FREM3: variants seen among roughly 807,000 people sequenced by gnomAD.
FREM3 encodes FRAS1-related extracellular matrix protein 3.
Under a neutral mutation model 129.1 loss-of-function variants are expected in FREM3, and 105 were observed. The observed-to-expected ratio is 0.81, with a 90% confidence interval of 0.69 to 0.96. The LOEUF is 0.96. Among genes scored for constraint, FREM3 ranks in the 40% least tolerant of loss-of-function variants. The probability of loss-of-function intolerance (pLI) is 0.00; values close to 1 mark genes in which losing one functional copy is unlikely to be tolerated. For missense variants in FREM3, 2,593 were observed against 2,666.3 expected, an observed-to-expected ratio of 0.97 and a Z score of 0.61; for synonymous variants, 1,014 against 1,044.9, an observed-to-expected ratio of 0.97 and a Z score of 0.57.
intron 1 of FREM3, among the ~76,000 whole-genome samples, 155 bp downstream of exon 1, chr4:143,695,336 T>G (rs1443676193): frequency 2.6e-5 from 4 of 152,192 alleles, no homozygotes; most frequent in Admixed American, 1.3e-4. Flanking sequence ...CTTGTTGCCT[T>G]TTTTGTTTTT....
At chr4:143,600,221 GT>G (rs1738548689) in intron 6 of FREM3, among the ~76,000 whole-genome samples, 1 of 129,590 alleles carries the variant, frequency 7.7e-6, no homozygotes, top group Non-Finnish European at 1.8e-5. Context: ...TCTAAGTGAA[GT>G]AAACTCAGGA....
At chr4:143,627,896 G>C in intron 2 of FREM3, 136 bp from the exon 3 acceptor site, 1 of 639,928 alleles carries the variant, frequency 1.6e-6, no homozygotes, top group South Asian at 2.0e-5. Context: ...TTTTTTGGTA[G>C]AGAGAGGAAA....
At chr4:143,622,558 A>G in intron 4 of FREM3, among the ~76,000 whole-genome samples, 1 of 152,158 alleles carries the variant, frequency 6.6e-6, no homozygotes, top group South Asian at 2.1e-4. Context: ...CTCCAGGAAG[A>G]CACTGGCCCT....
chr4:143,591,677 G>T (rs1738365592), intron 6 of FREM3, among the ~76,000 whole-genome samples: 1 of 152,124 alleles, frequency 6.6e-6, no homozygotes, highest in African/African-American at 2.4e-5. Flanking sequence ...GTCAGTTTTG[G>T]AATAGGTGTG....
At chr4:143,658,997 C>G (rs1463233563) in intron 2 of FREM3, among the ~76,000 whole-genome samples, 3 of 150,952 alleles carry the variant, frequency 2.0e-5, no homozygotes, top group African/African-American at 4.9e-5. Flanking sequence ...TTGGCTAATG[C>G]CTACTCATTC....
intron 6 of FREM3, among the ~76,000 whole-genome samples, chr4:143,602,298 C>T (rs1337642848): frequency 6.6e-6 from 1 of 152,052 alleles, no homozygotes; most frequent in South Asian, 2.1e-4. Context: ...CTTAGAAACT[C>T]GAATTAACAG....
intron 2 of FREM3, among the ~76,000 whole-genome samples, chr4:143,670,510 A>C (rs1739947222): frequency 6.6e-6 from 1 of 152,166 alleles, no homozygotes. Flanking sequence ...TGATTATTTA[A>C]TAACCTGTTA....
intron 2 of FREM3, among the ~76,000 whole-genome samples, chr4:143,675,945 C>T (rs1476974505): frequency 2.0e-5 from 3 of 152,040 alleles, no homozygotes; most frequent in African/African-American, 7.2e-5. Flanking sequence ...GATTCACAGC[C>T]GAATTCTACC....
At chr4:143,683,632 T>C (rs779152119) in intron 2 of FREM3, among the ~76,000 whole-genome samples, 6 of 152,162 alleles carry the variant, frequency 3.9e-5, no homozygotes, top group Non-Finnish European at 7.4e-5. Flanking sequence ...GTGAACTTTG[T>C]AACAATTTGA....
intron 2 of FREM3, among the ~76,000 whole-genome samples, chr4:143,680,118 A>G (rs1497618): frequency 0.098 from 14,935 of 151,934 alleles, 2,076 homozygotes; most frequent in African/African-American, 0.3. Flanking sequence ...AAAATGTAAA[A>G]AAAAGCAAAA....
intron 2 of FREM3, among the ~76,000 whole-genome samples, chr4:143,658,007 C>T (rs1402295069): frequency 2.0e-5 from 3 of 152,166 alleles, no homozygotes; most frequent in African/African-American, 7.2e-5. Context: ...TTCTCTCCAC[C>T]CTTATTGCCA....
At position 143,693,204 on chromosome 4, in the gene FREM3, T is replaced by A. The variant is rs747370221; in HGVS notation, c.5186-2A>T. ...ATATCTTCATCTCATCAATGTCAGCTAAAAAAAAAGCAACCATCACACAAA... is the reference window on the plus strand; with the variant it reads ...ATATCTTCATCTCATCAATGTCAGCAAAAAAAAAAGCAACCATCACACAAA... On this transcript the variant is annotated splice_acceptor_variant, in intron 1 of 7. Coordinates refer to ENST00000329798, the MANE Select transcript of FREM3 (RefSeq NM_001168235.2). LOFTEE classifies it high-confidence loss of function. 1.4e-5 allele frequency: 20 copies of A among 1,445,374 alleles called. No individual in the cohort carries two copies. The highest frequency in any genetic ancestry group is 1.8e-5 in the Non-Finnish European group (20 of 1,088,752). The allele number at this position is 1,445,374 out of a possible 1,614,324, so 89.5% of individuals were successfully genotyped here.
intron 2 of FREM3, among the ~76,000 whole-genome samples, chr4:143,649,698 C>T (rs1739478183): frequency 6.6e-6 from 1 of 152,104 alleles, no homozygotes. Context: ...CCTTGTCTGT[C>T]ATTGCAAATG....
intron 2 of FREM3, among the ~76,000 whole-genome samples, chr4:143,675,882 A>T (rs1740110206): frequency 6.6e-6 from 1 of 152,132 alleles, no homozygotes; most frequent in African/African-American, 2.4e-5. Flanking sequence ...CAGGCTCTGA[A>T]ACTGAGGCAA....
At position 143,577,706 on chromosome 4, in the gene FREM3, T is replaced by TA; in HGVS notation, c.6324dup (p.Met2109TyrfsTer10). 6.5e-7 allele frequency: 1 copy of TA among 1,537,310 alleles called. No individual in the cohort carries two copies. Among genetic ancestry groups the TA allele is most frequent in the South Asian group, 1.2e-5 (1 of 84,062 alleles). On this transcript the variant is annotated frameshift_variant, in exon 8 of 8. Transcript: ENST00000329798. LOFTEE classifies it low-confidence loss of function (END_TRUNC). ...TTTGGTTCTCCAAGCACTGCACCCA[T>TA]AGGCATCTGAAGAAGTAATTCAAAC...
At chr4:143,593,823 G>C (rs1180175889) in intron 6 of FREM3, among the ~76,000 whole-genome samples, 1 of 152,114 alleles carries the variant, frequency 6.6e-6, no homozygotes, top group African/African-American at 2.4e-5. Context: ...TCTGTGCCCT[G>C]CCTCCAGAGG....
At chr4:143,688,567 A>C (rs558086608) in intron 2 of FREM3, among the ~76,000 whole-genome samples, 109 of 152,304 alleles carry the variant, frequency 7.2e-4, no homozygotes, top group African/African-American at 2.5e-3. Context: ...GTATAGCCAA[A>C]GCAAGACTAA....
At chr4:143,655,112 G>A (rs1477470332) in intron 2 of FREM3, among the ~76,000 whole-genome samples, 1 of 152,140 alleles carries the variant, frequency 6.6e-6, no homozygotes, top group African/African-American at 2.4e-5. Flanking sequence ...TCTGTAATTT[G>A]TGTAGAAATC....
intron 2 of FREM3, among the ~76,000 whole-genome samples, chr4:143,675,459 C>G (rs1210433874): frequency 1.3e-5 from 2 of 151,810 alleles, no homozygotes; most frequent in African/African-American, 4.8e-5. Flanking sequence ...AAATTGACAC[C>G]CTAACATCAC....
Sources: gnomAD v4.1 joint callset for allele counts (sites outside exome capture counted in the v4.1 genomes callset) on GRCh38, gnomAD v4.1.1 for gene constraint, MANE v1.5 for transcripts, NCBI Gene and HGNC (gene_info 2026-07-23, HGNC 2026-07-21) for gene names.